The following CNTNAP5 variants were observed in gnomAD, a reference collection of about 807,000 sequenced individuals.
The protein encoded by CNTNAP5 is contactin-associated protein-like 5.
CNTNAP5 carries 72 observed loss-of-function variants against 150.2 expected under a neutral mutation model. The observed-to-expected ratio is 0.48, with a 90% CI of 0.40 to 0.58. CNTNAP5 has a LOEUF of 0.58. Among genes scored for constraint, CNTNAP5 ranks in the 20% least tolerant of loss-of-function variants. The pLI, the probability that CNTNAP5 is intolerant of heterozygous loss-of-function variation, is 0.00. For synonymous variants in CNTNAP5, 672 were observed against 619.8 expected, an observed-to-expected ratio of 1.08 and a Z score of -1.25; for missense variants, 1,636 against 1,626.2, an observed-to-expected ratio of 1.01 and a Z score of -0.10.
At chr2:124,491,106 A>G (rs984261009) in intron 7 of CNTNAP5, among the ~76,000 whole-genome samples, 1 of 152,156 alleles carries the variant, frequency 6.6e-6, no homozygotes, top group African/African-American at 2.4e-5. Context: ...AATTACCACA[A>G]TCAAGTTAAT....
At chr2:124,661,934 G>A (rs1044487672) in intron 13 of CNTNAP5, among the ~76,000 whole-genome samples, 5 of 152,128 alleles carry the variant, frequency 3.3e-5, no homozygotes, top group African/African-American at 1.2e-4. Flanking sequence ...CATGTGCCAT[G>A]GTGGTTTGCT....
At chr2:124,691,577 CA>C (rs1322295964) in intron 13 of CNTNAP5, among the ~76,000 whole-genome samples, 4 of 152,046 alleles carry the variant, frequency 2.6e-5, no homozygotes, top group Non-Finnish European at 5.9e-5. Flanking sequence ...TCATTTATCT[CA>C]TATTGTCTTG....
intron 1 of CNTNAP5, among the ~76,000 whole-genome samples, chr2:124,137,852 T>A (rs1279217260): frequency 6.6e-6 from 1 of 151,958 alleles, no homozygotes; most frequent in Admixed American, 6.6e-5. Context: ...TAACATTGTT[T>A]GGCTGAAGTC....
At chr2:124,911,986 A>G (rs1287454343) in intron 23 of CNTNAP5, among the ~76,000 whole-genome samples, 3 of 152,106 alleles carry the variant, frequency 2.0e-5, no homozygotes, top group Non-Finnish European at 4.4e-5. Flanking sequence ...AGCAGGGTGA[A>G]GCCCACAGAA....
intron 6 of CNTNAP5, among the ~76,000 whole-genome samples, chr2:124,452,279 C>A (rs144450534): frequency 1.3e-5 from 2 of 152,124 alleles, no homozygotes; most frequent in African/African-American, 4.8e-5. Flanking sequence ...GCTTTGCCCA[C>A]TTCCCTGACA....
chr2:124,789,831 G>A, intron 17 of CNTNAP5, 71 bp from the exon 18 acceptor site: 5 of 1,419,598 alleles, frequency 3.5e-6, no homozygotes, highest in South Asian at 1.3e-5. Flanking sequence ...TCTTACCCAT[G>A]CCAACATTAA....
chr2:124,822,198 A>G (rs1438519201), intron 19 of CNTNAP5, among the ~76,000 whole-genome samples: 2 of 152,058 alleles, frequency 1.3e-5, no homozygotes, highest in Non-Finnish European at 2.9e-5. Context: ...TCCCTGGCCA[A>G]TATTAGAACC....
At chr2:124,398,707 C>T (rs763781886) in intron 3 of CNTNAP5, among the ~76,000 whole-genome samples, 83 of 152,038 alleles carry the variant, frequency 5.5e-4, no homozygotes, top group Non-Finnish European at 4.9e-4. Flanking sequence ...TCTTGAACTC[C>T]CGACCTCGGG....
rs1224363126 is a variant in CNTNAP5 at position 124,865,385 on chromosome 2, A to T, written c.3297A>T (p.Arg1099Ser). Reference sequence around the variant, plus strand: ...TTGATGCAGATAACTTTGCTAACAGAAGGATGCACCACTTGAAGATTAACC... The same window carrying T: ...TTGATGCAGATAACTTTGCTAACAGTAGGATGCACCACTTGAAGATTAACC... ...FTIDADNFAN[R>S]RMHHLKINRE... Residue 1099 changes from arginine to serine, a missense_variant, in exon 20 of 24, where the codon AGA (arginine) becomes AGT (serine). Coordinates refer to ENST00000682447, the MANE Select transcript of CNTNAP5 (RefSeq NM_001367498.1). 1 of 1,554,540 alleles carries T rather than the reference A, an allele frequency of 6.4e-7. No individual in the cohort carries two copies. Among genetic ancestry groups the T allele is most frequent in the Admixed American group, 2.0e-5 (1 of 51,266 alleles).
chr2:124,515,305 G>A (rs1007725376), intron 8 of CNTNAP5, among the ~76,000 whole-genome samples: 3 of 152,150 alleles, frequency 2.0e-5, no homozygotes, highest in Non-Finnish European at 4.4e-5. Context: ...GTCCCAAAAC[G>A]TGACTCAAAC....
chr2:124,606,796 G>A (rs1677230851), intron 11 of CNTNAP5, among the ~76,000 whole-genome samples: 1 of 152,084 alleles, frequency 6.6e-6, no homozygotes, highest in South Asian at 2.1e-4. Context: ...ACTATCATGA[G>A]AGCAGCTCAG....
At chr2:124,053,782 T>A (rs1573720310) in intron 1 of CNTNAP5, among the ~76,000 whole-genome samples, 1 of 152,314 alleles carries the variant, frequency 6.6e-6, no homozygotes, top group South Asian at 2.1e-4. Flanking sequence ...TAATGTTGCA[T>A]TACTAGGAGA....
At chr2:124,849,187 T>C (rs952420780) in intron 19 of CNTNAP5, among the ~76,000 whole-genome samples, 2 of 152,140 alleles carry the variant, frequency 1.3e-5, no homozygotes, top group Non-Finnish European at 2.9e-5. Context: ...AATACATGTG[T>C]ATGTGTGTAT....
intron 1 of CNTNAP5, among the ~76,000 whole-genome samples, chr2:124,060,061 A>G (rs1266983159): frequency 6.6e-6 from 1 of 152,210 alleles, no homozygotes; most frequent in Non-Finnish European, 1.5e-5. Context: ...GCTGGTGTCC[A>G]TAACCTCTAA....
At chr2:124,800,390 C>A (rs1681942644) in intron 19 of CNTNAP5, among the ~76,000 whole-genome samples, 1 of 149,478 alleles carries the variant, frequency 6.7e-6, no homozygotes, top group African/African-American at 2.5e-5. Context: ...CACACACACA[C>A]AAATATATAT....
At chr2:124,280,003 A>G (rs976584877) in intron 3 of CNTNAP5, among the ~76,000 whole-genome samples, 2 of 152,102 alleles carry the variant, frequency 1.3e-5, no homozygotes, top group African/African-American at 4.8e-5. Context: ...TGTAACTTAA[A>G]TATCCATCCA....
intron 13 of CNTNAP5, among the ~76,000 whole-genome samples, chr2:124,696,570 G>A (rs1463490474): frequency 6.6e-6 from 1 of 152,098 alleles, no homozygotes; most frequent in Non-Finnish European, 1.5e-5. Context: ...TGAGTCATAT[G>A]TCCCTGAAAA....
rs78228471 is a variant in CNTNAP5, at chr2:124,490,312, C to A, written c.1063-13980C>A. ...AGGCACCACTGCACTCTAGCCTGGACAACAGAGCATTGTTGTCCATTTCAG... is the reference window on the plus strand; with the variant it reads ...AGGCACCACTGCACTCTAGCCTGGAAAACAGAGCATTGTTGTCCATTTCAG... On this transcript the variant is annotated intron_variant, in intron 7 of 23. Transcript: ENST00000682447. Among the ~76,000 whole-genome samples, 2,114 of 119,098 alleles carry A rather than the reference C, an allele frequency of 0.018. 105 individuals carry two copies. The East Asian group carries it at 0.21, about 12-fold the overall frequency. 78.1% of individuals were successfully genotyped at this position (119,098 alleles called of 152,430 possible).
intron 11 of CNTNAP5, among the ~76,000 whole-genome samples, chr2:124,571,527 CT>C (rs1214169811): frequency 2.8e-4 from 13 of 46,850 alleles, no homozygotes; most frequent in East Asian, 4.9e-4. Flanking sequence ...TTTCTTTTTT[CT>C]TTTTTTTTTT....
Sources: gnomAD v4.1 joint callset for allele counts (sites outside exome capture counted in the v4.1 genomes callset) on GRCh38, gnomAD v4.1.1 for gene constraint, MANE v1.5 for transcripts, NCBI Gene and HGNC (gene_info 2026-07-23, HGNC 2026-07-21) for gene names.